The following PLEKHG1 variants were observed in gnomAD, a reference collection of about 807,000 sequenced individuals.
The protein encoded by PLEKHG1 is pleckstrin homology domain-containing family G member 1.
In PLEKHG1, 44 loss-of-function variants were observed where a neutral mutation model predicts 100.8. The observed-to-expected ratio is 0.44, with a 90% CI of 0.34 to 0.56. PLEKHG1 has a LOEUF of 0.56. Among genes scored for constraint, PLEKHG1 ranks in the 20% least tolerant of loss-of-function variants. The pLI, the probability that PLEKHG1 is intolerant of heterozygous loss-of-function variation, is 0.01. For missense variants in PLEKHG1, 1,545 were observed against 1,720.9 expected, an observed-to-expected ratio of 0.90 and a Z score of 1.81; for synonymous variants, 640 against 662.5, an observed-to-expected ratio of 0.97 and a Z score of 0.52.
chr6:150,805,567 G>A (rs1247483475), intron 7 of PLEKHG1, among the ~76,000 whole-genome samples: 2 of 151,230 alleles, frequency 1.3e-5, no homozygotes, highest in African/African-American at 4.9e-5. Flanking sequence ...CACTCTTGTC[G>A]CCCAGGCTGG....
intron 1 of PLEKHG1, among the ~76,000 whole-genome samples, chr6:150,608,884 T>C (rs1039287754): frequency 4.6e-5 from 7 of 152,232 alleles, no homozygotes; most frequent in African/African-American, 1.7e-4. Context: ...AAAGACGTTA[T>C]GAGGTTTAAC....
At chr6:150,797,882 C>CTAGAAGTT (rs1268870164) in intron 5 of PLEKHG1, among the ~76,000 whole-genome samples, 1 of 110,714 alleles carries the variant, frequency 9.0e-6, no homozygotes, top group African/African-American at 3.3e-5. Context: ...ACCCAAGAAG[C>CTAGAAGTT]TAGAAGTTTA....
At chr6:150,759,766 A>G (rs991030648) in intron 2 of PLEKHG1, among the ~76,000 whole-genome samples, 1 of 152,170 alleles carries the variant, frequency 6.6e-6, no homozygotes, top group Non-Finnish European at 1.5e-5. Context: ...GCACTTTGGG[A>G]GGCTGAGGTG....
At chr6:150,719,975 G>T (rs1781600250), upstream of PLEKHG1, among the ~76,000 whole-genome samples, 2 of 152,184 alleles carry the variant, frequency 1.3e-5, no homozygotes, top group Non-Finnish European at 2.9e-5. Context: ...CTATTATGTT[G>T]TTAGTTTAAA....
At chr6:150,662,236 A>G (rs181022024) in intron 3 of PLEKHG1, among the ~76,000 whole-genome samples, 53 of 152,346 alleles carry the variant, frequency 3.5e-4, no homozygotes, top group Middle Eastern at 3.4e-3. Flanking sequence ...ACATTCTTCT[A>G]GAAAACATTG....
At chr6:150,655,208 G>A (rs986108847) in intron 3 of PLEKHG1, among the ~76,000 whole-genome samples, 1 of 152,192 alleles carries the variant, frequency 6.6e-6, no homozygotes, top group African/African-American at 2.4e-5. Context: ...TTCAGCCATT[G>A]TGGAAGACGA....
At chr6:150,781,164 C>T (rs974573818) in intron 3 of PLEKHG1, among the ~76,000 whole-genome samples, 6 of 150,570 alleles carry the variant, frequency 4.0e-5, no homozygotes, top group East Asian at 2.0e-4. Flanking sequence ...TGTAAGCCAC[C>T]GCGCCCGGCC....
At chr6:150,735,920 A>G (rs879548755) in intron 2 of PLEKHG1, among the ~76,000 whole-genome samples, 8 of 152,262 alleles carry the variant, frequency 5.3e-5, no homozygotes, top group Admixed American at 5.2e-4. Flanking sequence ...GAAAACAGAT[A>G]AAGACAGAAT....
chr6:150,698,819 TTG>T (rs1470749335), intron 3 of PLEKHG1, among the ~76,000 whole-genome samples: 3 of 152,206 alleles, frequency 2.0e-5, no homozygotes, highest in Non-Finnish European at 4.4e-5. Flanking sequence ...TAATAAGCAT[TTG>T]TATCTGCAAA....
intron 3 of PLEKHG1, among the ~76,000 whole-genome samples, chr6:150,703,635 T>C (rs1287018918): frequency 6.6e-6 from 1 of 151,542 alleles, no homozygotes; most frequent in Non-Finnish European, 1.5e-5. Flanking sequence ...TTTTTCTACT[T>C]GAAGAGCTAC....
At chr6:150,730,900 T>C (rs1209677989) in intron 1 of PLEKHG1, among the ~76,000 whole-genome samples, 1 of 120,790 alleles carries the variant, frequency 8.3e-6, no homozygotes, top group African/African-American at 4.3e-5. Flanking sequence ...AAACTCTGTC[T>C]CAAAAAAAAA....
At chr6:150,669,452 A>G (rs1432428461) in intron 3 of PLEKHG1, among the ~76,000 whole-genome samples, 1 of 152,116 alleles carries the variant, frequency 6.6e-6, no homozygotes, top group Non-Finnish European at 1.5e-5. Flanking sequence ...TTAACCCTTT[A>G]GCTAATGGAT....
In PLEKHG1 at chr6:150,764,117, C is replaced by CT. The variant is rs67507838; in HGVS notation, c.412-4516dup. ...ATAGCTTCTCTCCTATTTTCTTTTT[C>CT]TTTTTCTTTTTTTTTTTAAGACAGA... On this transcript the variant is annotated intron_variant, in intron 2 of 15. Coordinates refer to ENST00000358517, the Ensembl canonical transcript of PLEKHG1. Among the ~76,000 whole-genome samples, 156 of 145,750 alleles carry CT rather than the reference C, an allele frequency of 1.1e-3. 1 individual carries two copies. Among genetic ancestry groups the CT allele is most frequent in the Middle Eastern group, 6.8e-3 (2 of 292 alleles).
rs1479972360 is a variant in PLEKHG1, at chr6:150,810,496, GAGGGAAAGAAAGAAAGAAAAAGAAAGA to G, written c.1278+764_1278+790del. 7.1e-3 allele frequency among the ~76,000 whole-genome samples: 991 copies of G among 139,354 alleles called. 15 individuals carry two copies. Among genetic ancestry groups the G allele is most frequent in the East Asian group, 0.028 (129 of 4,610 alleles). The allele number at this position is 139,354 out of a possible 152,430, so 91.4% of individuals were successfully genotyped here. A position where few individuals can be genotyped will look rare whatever the true frequency, so the allele number is the denominator to read the frequency against. ...AGAAAGAAAGAAAGAAGGAAGGAAGGAGGGAAAGAAAGAAAGAAAAAGAAAGAAAGAAAGAAAGAAAGGAAGAAAGGA... is the reference window on the plus strand; with the variant it reads ...AGAAAGAAAGAAAGAAGGAAGGAAGGAAGAAAGAAAGAAAGGAAGAAAGGA... On this transcript the variant is annotated intron_variant, in intron 10 of 15. Transcript: ENST00000358517.
At chr6:150,627,695 T>C (rs1415442914) in intron 1 of PLEKHG1, among the ~76,000 whole-genome samples, 4 of 152,214 alleles carry the variant, frequency 2.6e-5, no homozygotes, top group Admixed American at 2.0e-4. Flanking sequence ...GATTTTGTTT[T>C]TTAGGATCAC....
chr6:150,692,901 T>C (rs1780396656), intron 3 of PLEKHG1, among the ~76,000 whole-genome samples: 2 of 152,320 alleles, frequency 1.3e-5, no homozygotes, highest in South Asian at 4.1e-4. Context: ...GGGCAGGCGT[T>C]AGCATAAGCA....
At chr6:150,773,613 C>T (rs548840744) in intron 3 of PLEKHG1, among the ~76,000 whole-genome samples, 2 of 152,348 alleles carry the variant, frequency 1.3e-5, no homozygotes, top group Admixed American at 1.3e-4. Context: ...CCATTCTTGT[C>T]CCATACCACA....
chr6:150,711,107 T>A (rs1393817738), intron 3 of PLEKHG1, among the ~76,000 whole-genome samples: 1 of 152,194 alleles, frequency 6.6e-6, no homozygotes, highest in East Asian at 1.9e-4. Flanking sequence ...AAAAATGATG[T>A]CTTTTTAACG....
chr6:150,681,016 T>C (rs754400278), intron 3 of PLEKHG1, among the ~76,000 whole-genome samples: 3 of 152,244 alleles, frequency 2.0e-5, no homozygotes, highest in Non-Finnish European at 4.4e-5. Flanking sequence ...CCAAATTCTA[T>C]ATGAATTTAC....
Sources: gnomAD v4.1 joint callset for allele counts (sites outside exome capture counted in the v4.1 genomes callset) on GRCh38, gnomAD v4.1.1 for gene constraint, MANE v1.5 for transcripts, NCBI Gene and HGNC (gene_info 2026-07-23, HGNC 2026-07-21) for gene names.